Variants in GASK1A observed in about 807,000 individuals in gnomAD.
GASK1A encodes golgi associated kinase 1A, also known as Golgi-associated kinase 1A.
In GASK1A, 40 loss-of-function variants were observed where a neutral mutation model predicts 41.2. The ratio of observed to expected loss-of-function variants is 0.97; its 90% CI spans 0.75 to 1.27. The LOEUF is 1.27. Among genes scored for constraint, GASK1A ranks in the 50% most tolerant of loss-of-function variants. The probability of loss-of-function intolerance (pLI) is 0.00; values close to 1 mark genes in which losing one functional copy is unlikely to be tolerated. For missense variants in GASK1A, 678 were observed against 745.1 expected (o/e 0.91, Z 1.05); for synonymous variants, 316 against 307.1 (o/e 1.03, Z -0.30).
chr3:43,032,299 G>A lies in GASK1A; in HGVS notation c.36G>A (p.Lys12=). ...ASWLRRKLRG[K]RRPVIAFCLL... ...GGCTCCGGAGAAAGCTGCGTGGCAA[G>A]AGGCGGCCAGTGATAGCGTTCTGCC... Residue 12 remains lysine (K), a synonymous_variant, in exon 2 of 5, where the codon AAG becomes AAA. Transcript: ENST00000430121. The A allele has an allele frequency of 2.0e-6, 3 of 1,534,886 alleles. No individual in the cohort carries two copies. The highest frequency in any genetic ancestry group is 2.6e-6 in the Non-Finnish European group (3 of 1,134,220).
chr3:43,047,025 C>T (rs537619026), intron 2 of GASK1A, among the ~76,000 whole-genome samples: 14 of 152,326 alleles, frequency 9.2e-5, no homozygotes, highest in Middle Eastern at 6.8e-3. Context: ...AGGGGTGGAA[C>T]CCTCATGGAG....
intron 2 of GASK1A, among the ~76,000 whole-genome samples, chr3:43,039,319 C>T (rs1256474844): frequency 1.3e-5 from 2 of 151,496 alleles, no homozygotes; most frequent in African/African-American, 4.9e-5. Context: ...TCTCCTGCCT[C>T]AGCCTCCTGA....
intron 3 of GASK1A, among the ~76,000 whole-genome samples, chr3:43,054,999 T>G (rs1472519707): frequency 6.6e-6 from 1 of 152,178 alleles, no homozygotes; most frequent in African/African-American, 2.4e-5. Flanking sequence ...CCTTGGCAAC[T>G]GCTGATTCCC....
rs1352379266 is a variant in GASK1A, at chr3:43,053,130, G to GAGGA, written c.1291-389_1291-386dup. On this transcript the variant is annotated intron_variant, in intron 2 of 4. Transcript: ENST00000430121. ...GAAGGACTTGCACCTCTAAAGAAAGGAGGAATCCCTGATGTAGCATTTGCT... is the reference window on the plus strand; with the variant it reads ...GAAGGACTTGCACCTCTAAAGAAAGGAGGAAGGAATCCCTGATGTAGCATTTGCT... Among the ~76,000 whole-genome samples the GAGGA allele has an allele frequency of 4.6e-5, 7 of 152,346 alleles. No individual in the cohort carries two copies. The East Asian group carries it at 1.2e-3, about 25-fold the overall frequency.
At chr3:42,981,492 T>C (rs1372876621) in intron 1 of GASK1A, among the ~76,000 whole-genome samples, 3 of 152,176 alleles carry the variant, frequency 2.0e-5, no homozygotes, top group African/African-American at 4.8e-5. Context: ...AATTTTGAGA[T>C]TGGATCTCAA....
intron 1 of GASK1A, among the ~76,000 whole-genome samples, chr3:42,997,408 T>G (rs1465087318): frequency 7.2e-6 from 1 of 139,442 alleles, no homozygotes; most frequent in Non-Finnish European, 1.6e-5. Context: ...AAGCTACTAC[T>G]TTCACACGCA....
chr3:43,037,133 G>T, intron 2 of GASK1A: 1 of 875,780 alleles, frequency 1.1e-6, no homozygotes, highest in South Asian at 1.7e-5. Context: ...ACCAGGCAGC[G>T]ATTCAGGGCA....
At chr3:42,996,824 C>G (rs2089373400) in intron 1 of GASK1A, among the ~76,000 whole-genome samples, 1 of 152,246 alleles carries the variant, frequency 6.6e-6, no homozygotes, top group Non-Finnish European at 1.5e-5. Flanking sequence ...GTAGGATACT[C>G]AGTTCCTGGC....
intron 1 of GASK1A, among the ~76,000 whole-genome samples, chr3:42,988,132 C>G (rs2089322040): frequency 6.6e-6 from 1 of 152,130 alleles, no homozygotes; most frequent in Non-Finnish European, 1.5e-5. Flanking sequence ...ACACCTGGCT[C>G]CCTTCCTTCT....
intron 2 of GASK1A, among the ~76,000 whole-genome samples, chr3:43,035,177 C>T (rs1367992442): frequency 6.6e-6 from 1 of 152,172 alleles, no homozygotes; most frequent in Non-Finnish European, 1.5e-5. Flanking sequence ...CTTTTCTCAC[C>T]CCAAAATGGG....
chr3:42,998,374 T>C, intron 1 of GASK1A, among the ~76,000 whole-genome samples: 1 of 152,070 alleles, frequency 6.6e-6, no homozygotes, highest in Non-Finnish European at 1.5e-5. Context: ...CTGGTGGGTG[T>C]GTCTAGGGCA....
intron 1 of GASK1A, among the ~76,000 whole-genome samples, chr3:42,999,015 G>A (rs138732473): frequency 7.8e-4 from 119 of 151,944 alleles, no homozygotes; most frequent in African/African-American, 2.7e-3. Flanking sequence ...GTGTGTACAC[G>A]TGTACATATC....
rs562965665 is a variant in GASK1A, at chr3:42,982,095, C to T, written c.3+2450C>T. Among the ~76,000 whole-genome samples the T allele has an allele frequency of 7.9e-5, 12 of 152,184 alleles. No homozygotes were observed. In the South Asian group the frequency reaches 2.3e-3, roughly 29 times the overall value. On this transcript the variant is annotated intron_variant, in intron 1 of 4. Transcript: ENST00000430121. The stretch of plus-strand genomic sequence containing the variant: ...AAAGAGCATTGAGCTGCAGTATCTG[C>T]GGGGGCATTTTTGATTATCCTGAGG...
chr3:43,016,403 G>A (rs973175859), intron 1 of GASK1A, among the ~76,000 whole-genome samples: 2 of 151,898 alleles, frequency 1.3e-5, no homozygotes, highest in Non-Finnish European at 2.9e-5. Flanking sequence ...ACAGGTAGAG[G>A]CTGTGTGAAG....
intron 1 of GASK1A, among the ~76,000 whole-genome samples, chr3:43,023,498 G>A (rs930779303): frequency 1.6e-4 from 24 of 152,174 alleles, no homozygotes; most frequent in African/African-American, 5.5e-4. Flanking sequence ...GCAAAGAAAA[G>A]CAACAGCCTG....
chr3:43,033,588 C>T (rs1418491462), intron 2 of GASK1A, 35 bp downstream of exon 2: 11 of 1,480,512 alleles, frequency 7.4e-6, no homozygotes, highest in South Asian at 5.4e-5. Flanking sequence ...TAGAGAGCTG[C>T]GGAGGTAGGG....
At chr3:43,015,693 A>G (rs1351102433) in intron 1 of GASK1A, among the ~76,000 whole-genome samples, 4 of 150,744 alleles carry the variant, frequency 2.7e-5, no homozygotes, top group Admixed American at 2.6e-4. Flanking sequence ...AGGCAGTGTG[A>G]AGCCACAGGC....
At chr3:43,045,602 C>T (rs1241655012) in intron 2 of GASK1A, among the ~76,000 whole-genome samples, 7 of 152,182 alleles carry the variant, frequency 4.6e-5, no homozygotes, top group Admixed American at 3.9e-4. Flanking sequence ...CACTAAACCA[C>T]TGTGTTGGTA....
chr3:42,982,291 A>T (rs971298783), intron 1 of GASK1A, among the ~76,000 whole-genome samples: 4 of 152,256 alleles, frequency 2.6e-5, no homozygotes, highest in African/African-American at 7.2e-5. Flanking sequence ...GTTAAAAATT[A>T]AAAAAGAAAA....
Sources: gnomAD v4.1 joint callset for allele counts (sites outside exome capture counted in the v4.1 genomes callset) on GRCh38, gnomAD v4.1.1 for gene constraint, MANE v1.5 for transcripts, NCBI Gene and HGNC (gene_info 2026-07-23, HGNC 2026-07-21) for gene names.